Variants in ADCY2 observed in about 807,000 individuals in gnomAD.
ADCY2 encodes the protein adenylate cyclase 2, also known as adenylate cyclase type 2.
Under a neutral mutation model 125.2 loss-of-function variants are expected in ADCY2, and 31 were observed. That is an observed-to-expected ratio of 0.25 (90% CI 0.19 to 0.33). ADCY2 has a LOEUF of 0.33. ADCY2 is among the 10% of genes least tolerant of loss of function. The pLI is 1.00. For synonymous variants in ADCY2, 512 were observed against 548.4 expected, an observed-to-expected ratio of 0.93 and a Z score of 0.93; for missense variants, 904 against 1,418.2, an observed-to-expected ratio of 0.64 and a Z score of 5.82.
intron 14 of ADCY2, among the ~76,000 whole-genome samples, chr5:7,729,703 C>T (rs1742039532): frequency 6.7e-6 from 1 of 149,820 alleles, no homozygotes; most frequent in Non-Finnish European, 1.5e-5. Flanking sequence ...ATTTCTTTTA[C>T]TCATTAGGAA....
intron 2 of ADCY2, among the ~76,000 whole-genome samples, chr5:7,425,713 A>G (rs1026141144): frequency 1.3e-5 from 2 of 152,248 alleles, no homozygotes; most frequent in Non-Finnish European, 2.9e-5. Flanking sequence ...CACACCTGCA[A>G]ATCCAATAAA....
intron 22 of ADCY2, among the ~76,000 whole-genome samples, chr5:7,811,163 G>A (rs1056427871): frequency 2.0e-5 from 3 of 152,102 alleles, no homozygotes; most frequent in African/African-American, 4.8e-5. Flanking sequence ...GAGGAAAGGG[G>A]GGCTGTTCTC....
intron 16 of ADCY2, among the ~76,000 whole-genome samples, chr5:7,765,328 A>G (rs1017408357): frequency 6.6e-6 from 1 of 152,132 alleles, no homozygotes; most frequent in Non-Finnish European, 1.5e-5. Flanking sequence ...CTAAATCTAA[A>G]TCTGTACCCT....
In ADCY2 at chr5:7,568,821, G is replaced by A. The variant is rs1040646087; in HGVS notation, c.570+47922G>A. ...AAAATGTCTTATTCTTTGTAGCCGC[G>A]TAGCTTTCCTTGCATGTGAAGTACA... On this transcript the variant is annotated intron_variant, in intron 3 of 24. Transcript: ENST00000338316. 5.3e-5 allele frequency among the ~76,000 whole-genome samples: 8 copies of A among 152,084 alleles called. No individual in the cohort carries two copies. In the East Asian group the frequency reaches 5.8e-4, roughly 11 times the overall value.
chr5:7,635,038 G>C lies in ADCY2; in HGVS notation c.720+8722G>C, dbSNP rs542086967. Among the ~76,000 whole-genome samples, 4 of 152,266 alleles carry C rather than the reference G, an allele frequency of 2.6e-5. No individual in the cohort carries two copies. The South Asian group carries it at 8.3e-4, about 32-fold the overall frequency. ...CAGCAAAAGAAGTGGGAACTACCAA[G>C]GTCCTGAGTCAGGAGCCAGGTGGCC... On this transcript the variant is annotated intron_variant, in intron 4 of 24. Coordinates refer to ENST00000338316, the MANE Select transcript of ADCY2 (RefSeq NM_020546.3).
At chr5:7,820,120 T>G (rs911389179) in intron 23 of ADCY2, among the ~76,000 whole-genome samples, 7 of 152,200 alleles carry the variant, frequency 4.6e-5, no homozygotes, top group African/African-American at 1.7e-4. Context: ...GAGAATTTAT[T>G]TCTTACCTCT....
At chr5:7,600,887 T>G (rs970096317) in intron 3 of ADCY2, among the ~76,000 whole-genome samples, 6 of 152,078 alleles carry the variant, frequency 3.9e-5, no homozygotes, top group African/African-American at 1.4e-4. Flanking sequence ...GCAGAATGGA[T>G]GATAAGGAAT....
chr5:7,683,358 A>G (rs1579312232), intron 4 of ADCY2, among the ~76,000 whole-genome samples: 2 of 152,258 alleles, frequency 1.3e-5, no homozygotes, highest in Admixed American at 6.5e-5. Context: ...TGGTGTGCAC[A>G]TACTTGCATG....
chr5:7,470,719 T>C (rs1742304636), intron 2 of ADCY2, among the ~76,000 whole-genome samples: 1 of 151,246 alleles, frequency 6.6e-6, no homozygotes, highest in Non-Finnish European at 1.5e-5. Context: ...ATTCCTTCTA[T>C]TGGTAATTAA....
At chr5:7,403,977 A>AC (rs1156535290) in intron 1 of ADCY2, among the ~76,000 whole-genome samples, 121 of 122,494 alleles carry the variant, frequency 9.9e-4, no homozygotes, top group Non-Finnish European at 1.7e-3. Flanking sequence ...CACACACACA[A>AC]AATTACTAAA....
At chr5:7,446,537 A>AATACATAC (rs59436276) in intron 2 of ADCY2, among the ~76,000 whole-genome samples, 523 of 150,832 alleles carry the variant, frequency 3.5e-3, no homozygotes, top group African/African-American at 8.2e-3. Flanking sequence ...CTCTGAAATA[A>AATACATAC]ATACATACAT....
chr5:7,639,066 A>G lies in ADCY2; in HGVS notation c.720+12750A>G, dbSNP rs145954497. ...TGTGAGGCTTCCCCAGCCACGTGGA[A>G]CTGTAAGTCCATTAAACCTCTTTCT... On this transcript the variant is annotated intron_variant, in intron 4 of 24. Coordinates refer to ENST00000338316, the MANE Select transcript of ADCY2 (RefSeq NM_020546.3). Among the ~76,000 whole-genome samples, 243 of 152,226 alleles carry G rather than the reference A, an allele frequency of 1.6e-3. 6 individuals are homozygous for G. The East Asian group carries it at 0.043, about 27-fold the overall frequency.
chr5:7,795,178 T>C (rs1173792463), intron 20 of ADCY2: 3 of 152,212 alleles, frequency 2.0e-5, no homozygotes, highest in Non-Finnish European at 4.4e-5. Context: ...CTATGGGGCC[T>C]CAGAGTCCTC....
At chr5:7,743,790 C>G in intron 15 of ADCY2, 38 bp downstream of exon 15, 1 of 1,588,618 alleles carries the variant, frequency 6.3e-7, no homozygotes, top group Non-Finnish European at 8.6e-7. Context: ...GAAAAGTATG[C>G]TCATTTCATG....
intron 12 of ADCY2, among the ~76,000 whole-genome samples, chr5:7,720,544 C>G (rs543250071): frequency 6.6e-6 from 1 of 151,950 alleles, no homozygotes; most frequent in Non-Finnish European, 1.5e-5. Flanking sequence ...CTATCCTCCC[C>G]TCTCCCCCCA....
At chr5:7,737,103 T>C (rs927431886) in intron 14 of ADCY2, among the ~76,000 whole-genome samples, 1 of 152,186 alleles carries the variant, frequency 6.6e-6, no homozygotes, top group Non-Finnish European at 1.5e-5. Context: ...AATGATATTA[T>C]AGTGCCCAGA....
intron 2 of ADCY2, among the ~76,000 whole-genome samples, chr5:7,498,747 G>A (rs1217410532): frequency 1.3e-5 from 2 of 152,116 alleles, no homozygotes; most frequent in African/African-American, 4.8e-5. Flanking sequence ...CACTGTGGTA[G>A]TAGTTTAAAT....
chr5:7,572,567 T>G (rs1202820596), intron 3 of ADCY2, among the ~76,000 whole-genome samples: 1 of 152,208 alleles, frequency 6.6e-6, no homozygotes. Context: ...ATGCATAGTT[T>G]GCAAAAATTT....
chr5:7,667,845 A>G (rs952719067), intron 4 of ADCY2, among the ~76,000 whole-genome samples: 1 of 152,150 alleles, frequency 6.6e-6, no homozygotes, highest in Admixed American at 6.5e-5. Flanking sequence ...GGGTCTGCTC[A>G]CTACGACAGT....
Sources: allele counts gnomAD v4.1 joint callset (sites outside exome capture counted in the v4.1 genomes callset), GRCh38; gene constraint gnomAD v4.1.1; transcripts MANE v1.5; gene names NCBI Gene and HGNC (gene_info 2026-07-23, HGNC 2026-07-21).